Variants in PCDHGA3 observed in about 807,000 individuals in gnomAD.
The protein encoded by PCDHGA3 is protocadherin gamma subfamily A, 3.
A neutral mutation model predicts 58.5 loss-of-function variants in PCDHGA3; 40 were observed. The observed-to-expected ratio is 0.68, with a 90% CI of 0.53 to 0.89. The LOEUF is 0.89. Ranked by LOEUF, PCDHGA3 falls within the 40% of genes least tolerant of loss-of-function variation. PCDHGA3 has a pLI of 0.00. For synonymous variants in PCDHGA3, 530 were observed against 525.7 expected (o/e 1.01, Z -0.11); for missense variants, 1,223 against 1,195.9 (o/e 1.02, Z -0.33).
chr5:141,430,987 C>T (rs1171599563), intron 1 of PCDHGA3: 2 of 1,613,690 alleles, frequency 1.2e-6, no homozygotes, highest in African/African-American at 2.7e-5. Context: ...AGCTTTTCGC[C>T]CTGAATCCGC....
chr5:141,374,615 T>G lies in PCDHGA3; in HGVS notation c.2424+28158T>G, dbSNP rs777034606. ...ATTTAAGCTCAGTGGTAATAGTCACTTCTCAGTGGACGTGCAAAGCGAAGC... is the reference window on the plus strand; with the variant it reads ...ATTTAAGCTCAGTGGTAATAGTCACGTCTCAGTGGACGTGCAAAGCGAAGC... On this transcript the variant is annotated intron_variant, in intron 1 of 3. Coordinates refer to ENST00000253812, the MANE Select transcript of PCDHGA3 (RefSeq NM_018916.4). 108 of 1,613,570 alleles carry G rather than the reference T, an allele frequency of 6.7e-5. 1 individual carries two copies. In the East Asian group the frequency reaches 2.4e-3, roughly 35 times the overall value.
intron 1 of PCDHGA3, chr5:141,408,641 T>G: frequency 6.2e-7 from 1 of 1,614,034 alleles, no homozygotes; most frequent in Non-Finnish European, 8.5e-7. Context: ...CGAATCTGCA[T>G]CCGCTGGTAC....
rs200117787 is a variant in PCDHGA3, at chr5:141,477,443, G to T, written c.2425-17364G>T. ...CCCTTCCCTCTCAGCCCTTACAATA[G>T]TGCGTGTTCAAGTGTCCGACATCAA... On this transcript the variant is annotated intron_variant, in intron 1 of 3. Coordinates refer to ENST00000253812, the MANE Select transcript of PCDHGA3 (RefSeq NM_018916.4). This position sits in a 1 kb window ranked among gnomAD's most constrained non-coding sequence, Gnocchi z 4.9. The T allele has an allele frequency of 1.7e-5, 28 of 1,614,136 alleles. No homozygotes were observed. In the East Asian group the frequency reaches 6.2e-4, roughly 36 times the overall value.
intron 1 of PCDHGA3, among the ~76,000 whole-genome samples, chr5:141,434,692 A>G (rs891952554): frequency 8.5e-5 from 13 of 152,082 alleles, no homozygotes; most frequent in African/African-American, 2.4e-4. Flanking sequence ...CTTGCTGTTA[A>G]TAAATATGTG....
In PCDHGA3 at chr5:141,487,218, C is replaced by T; in HGVS notation, c.2425-7589C>T. The T allele has an allele frequency of 6.2e-7, 1 of 1,613,938 alleles. No individual in the cohort carries two copies. The highest frequency in any genetic ancestry group is 1.3e-5 in the African/African-American group (1 of 75,024). On this transcript the variant is annotated intron_variant, in intron 1 of 3. Coordinates refer to ENST00000253812, the MANE Select transcript of PCDHGA3 (RefSeq NM_018916.4). The surrounding 1 kb of genome is among the most constrained non-coding windows in gnomAD (Gnocchi z 5.0). ...CCAGATCTTCGAGAATCTTCAGCTCCAAGGGAAGGAGAATCTCGTCTAACC... is the reference window on the plus strand; with the variant it reads ...CCAGATCTTCGAGAATCTTCAGCTCTAAGGGAAGGAGAATCTCGTCTAACC...
chr5:141,481,434 A>C (rs1374254063), intron 1 of PCDHGA3, among the ~76,000 whole-genome samples: 1 of 152,256 alleles, frequency 6.6e-6, no homozygotes, highest in East Asian at 1.9e-4. Context: ...TGATTGTATC[A>C]GTTTAGTACA....
intron 1 of PCDHGA3, chr5:141,378,164 A>G (rs772489747): frequency 6.6e-6 from 1 of 152,258 alleles, no homozygotes; most frequent in African/African-American, 2.4e-5. Context: ...GTTGTTAACA[A>G]TAACTAAGCA....
chr5:141,346,221 G>C lies in PCDHGA3; in HGVS notation c.2188G>C (p.Gly730Arg). 1 of 1,614,218 alleles carries C rather than the reference G, an allele frequency of 6.2e-7. No individual in the cohort carries two copies. The highest frequency in any genetic ancestry group is 2.2e-5 in the East Asian group (1 of 44,884). ...GTCACGCCTGCTGCAGGCTTCGGGA[G>C]GCGGCTTGGCGAGTACGCCCGGCTC... Reference protein sequence around the residue: ...HKSRLLQASGGGLASTPGSHF... With the variant: ...HKSRLLQASGRGLASTPGSHF... The change falls in exon 1 of 4, where the codon GGC (glycine) becomes CGC (arginine). Residue 730 changes from glycine to arginine, a missense_variant. Transcript: ENST00000253812.
At chr5:141,455,375 G>A (rs1247820974) in intron 1 of PCDHGA3, among the ~76,000 whole-genome samples, 1 of 152,132 alleles carries the variant, frequency 6.6e-6, no homozygotes, top group Non-Finnish European at 1.5e-5. Context: ...GAAGGGAGAA[G>A]ACAGAAGGAA....
At chr5:141,495,279 G>T (rs72790069) in intron 2 of PCDHGA3, among the ~76,000 whole-genome samples, 4 of 152,146 alleles carry the variant, frequency 2.6e-5, no homozygotes, top group Non-Finnish European at 5.9e-5. Context: ...CGGAGGAGGC[G>T]GTCCGCACTC....
intron 1 of PCDHGA3, chr5:141,415,325 C>T (rs1046074461): frequency 2.2e-5 from 35 of 1,614,212 alleles, no homozygotes; most frequent in East Asian, 6.7e-5. Context: ...GTGCTGCTGG[C>T]GCACAGGCTG....
rs765751691 is a variant in PCDHGA3 at position 141,431,363 on chromosome 5, C to G, written c.2425-63444C>G. The G allele has an allele frequency of 6.2e-7, 1 of 1,614,024 alleles. No individual in the cohort carries two copies. The highest frequency in any genetic ancestry group is 2.2e-5 in the East Asian group (1 of 44,882). ...ATTGGTGCTGAAACGCGCCCTGGAC[C>G]GCGAAGAAAAGGCTGCTCACCACCT... is the stretch of plus-strand genomic sequence containing the variant. On this transcript the variant is annotated intron_variant, in intron 1 of 3. Transcript: ENST00000253812. This position sits in a 1 kb window ranked among gnomAD's most constrained non-coding sequence, Gnocchi z 4.8.
chr5:141,365,463 A>G (rs906812137), intron 1 of PCDHGA3: 2 of 1,613,996 alleles, frequency 1.2e-6, no homozygotes, highest in South Asian at 1.1e-5. Flanking sequence ...GATTCTGGAG[A>G]AAATGGTGAG....
chr5:141,414,469 G>T (rs944183814), intron 1 of PCDHGA3: 1 of 1,613,742 alleles, frequency 6.2e-7, no homozygotes, highest in African/African-American at 1.3e-5. Context: ...CACAGATGGG[G>T]GAAGTCCTCC....
intron 1 of PCDHGA3, among the ~76,000 whole-genome samples, chr5:141,454,458 G>A (rs535843071): frequency 5.3e-5 from 8 of 152,322 alleles, no homozygotes; most frequent in Non-Finnish European, 1.5e-5. Flanking sequence ...CCAGGCTGGA[G>A]TGCAATGGCA....
intron 1 of PCDHGA3, among the ~76,000 whole-genome samples, chr5:141,438,587 C>CATAT (rs1372372472): frequency 2.7e-5 from 2 of 73,430 alleles, no homozygotes; most frequent in Non-Finnish European, 5.2e-5. Context: ...TACATACATA[C>CATAT]ATACATATAT....
At chr5:141,382,871 G>C (rs764156663) in intron 1 of PCDHGA3, 22 of 1,520,388 alleles carry the variant, frequency 1.4e-5, no homozygotes, top group Admixed American at 8.9e-5. Flanking sequence ...TCCCGAGATC[G>C]GCGCCTAAGC....
At position 141,346,314 on chromosome 5, in the gene PCDHGA3, G is replaced by A. The variant is rs749127438; in HGVS notation, c.2281G>A (p.Ala761Thr). Residue 761 changes from alanine (A) to threonine (T), a missense_variant, in exon 1 of 4, where the codon GCG (alanine) becomes ACG (threonine). Transcript: ENST00000253812. The part of the protein sequence containing the change: ...QTYSHEVSLT[A>T]DSRKSHLIFP... ...CTATTCCCACGAGGTCTCCCTCACT[G>A]CGGACTCGCGGAAGAGCCACCTGAT... 1.9e-5 allele frequency: 31 copies of A among 1,614,204 alleles called. No homozygotes were observed. The highest frequency in any genetic ancestry group is 3.3e-5 in the South Asian group (3 of 91,086).
intron 1 of PCDHGA3, chr5:141,370,361 T>G (rs747397059): frequency 1.4e-5 from 22 of 1,517,974 alleles, no homozygotes; most frequent in Non-Finnish European, 1.7e-5. Context: ...TCTCCTCTCC[T>G]CGGATTTAGA....
Sources: gnomAD v4.1 joint callset for allele counts (sites outside exome capture counted in the v4.1 genomes callset) on GRCh38, gnomAD v4.1.1 for gene constraint, Gnocchi (gnomAD v3.1) non-coding constraint, MANE v1.5 for transcripts, NCBI Gene and HGNC (gene_info 2026-07-23, HGNC 2026-07-21) for gene names.